The following PTPRF variants were observed in gnomAD, a reference collection of about 807,000 sequenced individuals.
PTPRF encodes the protein protein tyrosine phosphatase receptor type F.
In PTPRF, 59 loss-of-function variants were observed where a neutral mutation model predicts 201.8. That is an observed-to-expected ratio of 0.29 (90% confidence interval 0.24 to 0.36). The LOEUF is 0.36. Among genes scored for constraint, PTPRF ranks in the 10% least tolerant of loss-of-function variants. The pLI, the probability that PTPRF is intolerant of heterozygous loss-of-function variation, is 1.00. For missense variants in PTPRF, 2,132 were observed against 2,690.5 expected (o/e 0.79, Z 4.59); for synonymous variants, 1,088 against 1,089.7 (o/e 1.00, Z 0.03).
chr1:43,596,603 C>T (rs1557807286), intron 11 of PTPRF, among the ~76,000 whole-genome samples: 1 of 152,186 alleles, frequency 6.6e-6, no homozygotes, highest in African/African-American at 2.4e-5. Flanking sequence ...TGTTCGGCCT[C>T]CTGTTGGTGA....
chr1:43,595,190 ATTTTGTTTTGTTTTG>A (rs374750589), intron 11 of PTPRF, among the ~76,000 whole-genome samples: 1 of 151,768 alleles, frequency 6.6e-6, no homozygotes. Flanking sequence ...TGAGGGTGGG[ATTTTGTTTTGTTTTG>A]TTTTGTTTTG....
chr1:43,563,237 T>C lies in PTPRF; in HGVS notation c.380-6353T>C, dbSNP rs535025751. Among the ~76,000 whole-genome samples the C allele has an allele frequency of 2.7e-5, 4 of 149,696 alleles. No homozygotes were observed. In the East Asian group the frequency reaches 5.9e-4, roughly 22 times the overall value. ...GAGGCCTGCCTGGCTACCTGTAGGATTGGGGAGGTGCAAGGCTCCAGGTTC... is the reference window on the plus strand; with the variant it reads ...GAGGCCTGCCTGGCTACCTGTAGGACTGGGGAGGTGCAAGGCTCCAGGTTC... On this transcript the variant is annotated intron_variant, in intron 5 of 33. Coordinates refer to ENST00000359947, the MANE Select transcript of PTPRF (RefSeq NM_002840.5).
intron 6 of PTPRF, among the ~76,000 whole-genome samples, chr1:43,572,267 C>T (rs1646626328): frequency 6.6e-6 from 1 of 151,514 alleles, no homozygotes; most frequent in African/African-American, 2.4e-5. Flanking sequence ...TCTCTGAGCC[C>T]TTGTCAAGTG....
Position 43,591,085 on chromosome 1 carries a change from C to T in PTPRF, c.1063C>T (p.Arg355Cys), listed in dbSNP as rs143362739. The change falls in exon 9 of 34, where the codon CGC (arginine) becomes TGC (cysteine). Residue 355 changes from arginine to cysteine, a missense_variant. Transcript: ENST00000359947. ...EPVTYYGIQY[R>C]AAGTEGPFQE... ...TGTAACCTACTATGGCATCCAGTAC[C>T]GCGCAGCGGGCACGGAGGGCCCCTT... 3.8e-5 allele frequency: 61 copies of T among 1,613,846 alleles called. No individual in the cohort carries two copies. The highest frequency in any genetic ancestry group is 1.5e-4 in the Admixed American group (9 of 60,014).
chr1:43,619,214 C>T lies in PTPRF; in HGVS notation c.4646+12C>T. ...GTGGTGCACTGCAGGTGAGAGGGTA[C>T]AGTGCCACCCAGAGGGGTGGGTGGG... is the stretch of plus-strand genomic sequence containing the variant. On this transcript the variant is annotated intron_variant, in intron 27 of 33. Transcript: ENST00000359947. 6.4e-7 allele frequency: 1 copy of T among 1,552,290 alleles called. No homozygotes were observed. Among genetic ancestry groups the T allele is most frequent in the Non-Finnish European group, 8.7e-7 (1 of 1,144,254 alleles).
At position 43,530,935 on chromosome 1, in the gene PTPRF, C is replaced by G. The variant is rs1191009561; in HGVS notation, c.-281C>G. ...GGCGGCTCCAGCTTCGGCTCCGGCT[C>G]GGGCTCGGGCTCCGGCTCCGGCTCC... On this transcript the variant is annotated 5_prime_UTR_variant, in exon 1 of 34. Transcript: ENST00000359947. The surrounding 1 kb of genome is among the most constrained non-coding windows in gnomAD (Gnocchi z 4.1). The G allele has an allele frequency of 1.9e-5, 3 of 154,452 alleles. No homozygotes were observed. Among genetic ancestry groups the G allele is most frequent in the Non-Finnish European group, 4.3e-5 (3 of 70,566 alleles). The allele number at this position is 154,452 out of a possible 1,614,324, so 9.6% of individuals were successfully genotyped here. A position where few individuals can be genotyped will look rare whatever the true frequency, so the allele number is the denominator to read the frequency against.
Position 43,591,301 on chromosome 1 carries a change from G to C in PTPRF, c.1279G>C (p.Ala427Pro), listed in dbSNP as rs751831806. The C allele has an allele frequency of 2.6e-6, 4 of 1,551,950 alleles. No individual in the cohort carries two copies. The highest frequency in any genetic ancestry group is 3.5e-6 in the Non-Finnish European group (4 of 1,149,730). Residue 427 changes from alanine to proline, a missense_variant, in exon 9 of 34, where the codon GCC (alanine) becomes CCC (proline). Transcript: ENST00000359947. ...CCGCGTGCAGGCACGCATGCTGAGC[G>C]CCAGCACCATGCTGGTGCAGTGGGA... ...PRRVQARMLS[A>P]STMLVQWEPP...
rs956116396 is a variant in PTPRF, at chr1:43,546,522, C to T, written c.91+1356C>T. On this transcript the variant is annotated intron_variant, in intron 3 of 33. Coordinates refer to ENST00000359947, the MANE Select transcript of PTPRF (RefSeq NM_002840.5). The surrounding 1 kb of genome is among the most constrained non-coding windows in gnomAD (Gnocchi z 4.2). ...TGGCAGGAAGGTGAAGGCTTGTCCA[C>T]GTGTGGTCAGTAGCTCTTGGACATT... Among the ~76,000 whole-genome samples the T allele has an allele frequency of 2.0e-5, 3 of 152,114 alleles. No homozygotes were observed. Among genetic ancestry groups the T allele is most frequent in the African/African-American group, 4.8e-5 (2 of 41,404 alleles).
At chr1:43,589,950 G>T (rs924112983) in intron 8 of PTPRF, among the ~76,000 whole-genome samples, 4 of 152,040 alleles carry the variant, frequency 2.6e-5, no homozygotes, top group Non-Finnish European at 4.4e-5. Context: ...TTTGCAGCTT[G>T]AGTGATCTTT....
At chr1:43,524,464 A>T (rs1643039829), upstream of PTPRF, among the ~76,000 whole-genome samples, 1 of 152,224 alleles carries the variant, frequency 6.6e-6, no homozygotes, top group Non-Finnish European at 1.5e-5. Flanking sequence ...GCTCGAGACC[A>T]GCCTGGGCAA....
At position 43,620,930 on chromosome 1, in the gene PTPRF, C is replaced by G; in HGVS notation, c.5457C>G (p.Ile1819Met). 1 of 1,614,164 alleles carries G rather than the reference C, an allele frequency of 6.2e-7. No individual in the cohort carries two copies. The highest frequency in any genetic ancestry group is 8.5e-7 in the Non-Finnish European group (1 of 1,180,014). ...PKTGEGFIDFIGQVHKTKEQF... is the reference protein window; with the variant it reads ...PKTGEGFIDFMGQVHKTKEQF... ...CAGGCGAGGGATTCATTGACTTCAT[C>G]GGGCAGGTGCATAAGACCAAGGAGC... Residue 1819 changes from isoleucine (I) to methionine (M), a missense_variant, in exon 32 of 34, where the codon ATC (isoleucine) becomes ATG (methionine). Around this residue, in one of 6 missense-constraint regions of PTPRF, gnomAD observed 519 missense variants for 659.5 expected, o/e 0.79. Coordinates refer to ENST00000359947, the MANE Select transcript of PTPRF (RefSeq NM_002840.5).
intron 21 of PTPRF, among the ~76,000 whole-genome samples, chr1:43,607,827 C>T (rs1434606590): frequency 6.6e-6 from 1 of 152,254 alleles, no homozygotes; most frequent in Admixed American, 6.5e-5. Context: ...GCTCTGGTGC[C>T]TGCAAGGCCT....
intron 20 of PTPRF, 44 bp downstream of exon 20, chr1:43,606,502 G>T: frequency 1.9e-6 from 3 of 1,560,692 alleles, no homozygotes; most frequent in Non-Finnish European, 2.6e-6. Context: ...GATTCCCTGG[G>T]CCTGGCCTGA....
rs1244102952 is a variant in PTPRF, at chr1:43,603,039, G to A, written c.2341-377G>A. Among the ~76,000 whole-genome samples the A allele has an allele frequency of 6.6e-6, 1 of 152,196 alleles. No individual in the cohort carries two copies. Among genetic ancestry groups the A allele is most frequent in the Non-Finnish European group, 1.5e-5 (1 of 68,034 alleles). ...ACGCCTGCTTATGCAGGAGCTGTAG[G>A]CTGTGTGCGTGTGGCTGCCAAGAGC... On this transcript the variant is annotated intron_variant, in intron 14 of 33. Coordinates refer to ENST00000359947, the MANE Select transcript of PTPRF (RefSeq NM_002840.5). The surrounding 1 kb of genome is among the most constrained non-coding windows in gnomAD (Gnocchi z 5.8).
chr1:43,619,558 GGAGCTC>G lies in PTPRF; in HGVS notation c.4921_4926del (p.Leu1641_Glu1642del). 6.2e-7 allele frequency: 1 copy of G among 1,612,478 alleles called. No individual in the cohort carries two copies. Among genetic ancestry groups the G allele is most frequent in the Non-Finnish European group, 8.5e-7 (1 of 1,178,698 alleles). On this transcript the variant is annotated inframe_deletion, in exon 28 of 34. Coordinates refer to ENST00000359947, the MANE Select transcript of PTPRF (RefSeq NM_002840.5). ...CTCCAGGGGAGAGTGTGACCGCCATGGAGCTCGAGTTCAAGGTGGGGCTCGGGTGGG... is the reference window on the plus strand; with the variant it reads ...CTCCAGGGGAGAGTGTGACCGCCATGGAGTTCAAGGTGGGGCTCGGGTGGG...
chr1:43,572,816 G>A (rs1244797598), intron 6 of PTPRF, among the ~76,000 whole-genome samples: 1 of 152,114 alleles, frequency 6.6e-6, no homozygotes, highest in Non-Finnish European at 1.5e-5. Flanking sequence ...GTCACTTGGG[G>A]TCACACATCG....
intron 22 of PTPRF, among the ~76,000 whole-genome samples, chr1:43,612,973 C>G (rs1176163490): frequency 6.6e-6 from 1 of 152,024 alleles, no homozygotes; most frequent in African/African-American, 2.4e-5. Flanking sequence ...CTACCCTCCC[C>G]TCTGCCCACC....
intron 11 of PTPRF, among the ~76,000 whole-genome samples, chr1:43,597,211 G>GA (rs1234894570): frequency 1.3e-5 from 2 of 152,144 alleles, no homozygotes; most frequent in Admixed American, 1.3e-4. Flanking sequence ...GAGACCGTAT[G>GA]AGACAGTGTA....
chr1:43,618,699 G>A lies in PTPRF; in HGVS notation c.4441G>A (p.Asp1481Asn). Residue 1481 changes from aspartate to asparagine, a missense_variant, in exon 26 of 34, where the codon GAC (aspartate) becomes AAC (asparagine). By Grantham distance (23) the Asp-to-Asn change is conservative (BLOSUM62 1). Coordinates refer to ENST00000359947, the MANE Select transcript of PTPRF (RefSeq NM_002840.5). The part of the protein sequence containing the change: ...TCGLIQVTLL[D>N]TVELATYTVR... The stretch of plus-strand genomic sequence containing the variant: ...TGGCCTTATTCAGGTGACCCTGTTG[G>A]ACACAGTGGAGCTGGCCACATACAC... 1.2e-6 allele frequency: 2 copies of A among 1,612,402 alleles called. No individual in the cohort carries two copies. Among genetic ancestry groups the A allele is most frequent in the East Asian group, 2.2e-5 (1 of 44,810 alleles).
Sources: allele counts gnomAD v4.1 joint callset (sites outside exome capture counted in the v4.1 genomes callset), GRCh38; gene constraint gnomAD v4.1.1; regional missense constraint gnomAD v4.1.1; non-coding constraint Gnocchi (gnomAD v3.1); transcripts MANE v1.5; gene names NCBI Gene and HGNC (gene_info 2026-07-23, HGNC 2026-07-21).